The following THSD7B variants were observed in gnomAD, a reference collection of about 807,000 sequenced individuals.
The protein encoded by THSD7B is thrombospondin type 1 domain containing 7B, also known as thrombospondin type-1 domain-containing protein 7B.
In THSD7B, 138 loss-of-function variants were observed where a neutral mutation model predicts 213.6. The observed-to-expected ratio is 0.65, with a 90% confidence interval of 0.56 to 0.74. THSD7B has a LOEUF of 0.74. Among genes scored for constraint, THSD7B ranks in the 30% least tolerant of loss-of-function variants. THSD7B has a pLI of 0.00. For missense variants in THSD7B, 1,931 were observed against 1,991.5 expected (o/e 0.97, Z 0.58); for synonymous variants, 742 against 687.0 (o/e 1.08, Z -1.25).
At chr2:136,855,590 TATTA>T (rs1683165132) in intron 1 of THSD7B, among the ~76,000 whole-genome samples, 1 of 129,924 alleles carries the variant, frequency 7.7e-6, no homozygotes, top group Non-Finnish European at 1.7e-5. Flanking sequence ...CGCATCCGGC[TATTA>T]TTTATTTATT....
intron 15 of THSD7B, among the ~76,000 whole-genome samples, chr2:137,529,523 G>A (rs376473302): frequency 1.7e-4 from 26 of 151,856 alleles, no homozygotes; most frequent in East Asian, 5.8e-4. Context: ...GCAAACATTA[G>A]AGTTAGGCAA....
intron 2 of THSD7B, among the ~76,000 whole-genome samples, chr2:137,044,871 G>A (rs1423150923): frequency 2.6e-5 from 4 of 152,180 alleles, no homozygotes; most frequent in Non-Finnish European, 5.9e-5. Context: ...CTGAATCCAT[G>A]TCACTATTCT....
chr2:137,144,974 G>A lies in THSD7B; in HGVS notation c.1370-15239G>A, dbSNP rs554114472. ...GACCTTGATTTTCTCATTTGTAAAA[G>A]TAGGATATTATTATAAGATATAATT... On this transcript the variant is annotated intron_variant, in intron 5 of 27. Coordinates refer to ENST00000409968, the MANE Select transcript of THSD7B (RefSeq NM_001316349.2). 3.3e-5 allele frequency among the ~76,000 whole-genome samples: 5 copies of A among 152,114 alleles called. No homozygotes were observed. The East Asian group carries it at 7.8e-4, about 24-fold the overall frequency.
At position 136,902,062 on chromosome 2, in the gene THSD7B, A is replaced by G. The variant is rs74447023; in HGVS notation, c.139+19745A>G. 6.1e-3 allele frequency among the ~76,000 whole-genome samples: 926 copies of G among 152,356 alleles called. 6 individuals carry two copies. Among genetic ancestry groups the G allele is most frequent in the African/African-American group, 0.021 (873 of 41,592 alleles). ...CGATACCCTGGGCTGGCCCAGAAGT[A>G]GTACATTTCCCTGAAGATCTTCACC... On this transcript the variant is annotated intron_variant, in intron 2 of 27. Transcript: ENST00000409968.
chr2:136,967,367 T>C (rs1025854811), intron 2 of THSD7B, among the ~76,000 whole-genome samples: 4 of 152,186 alleles, frequency 2.6e-5, no homozygotes, highest in Non-Finnish European at 5.9e-5. Context: ...AAGACATTCA[T>C]TTCTCCTCGT....
intron 1 of THSD7B, among the ~76,000 whole-genome samples, chr2:136,845,658 A>G (rs1016000434): frequency 2.6e-5 from 4 of 152,214 alleles, no homozygotes; most frequent in Admixed American, 2.0e-4. Context: ...AGGCACTGTT[A>G]TGTAAGCAAT....
At chr2:137,320,881 G>A (rs940886979) in intron 12 of THSD7B, among the ~76,000 whole-genome samples, 12 of 152,016 alleles carry the variant, frequency 7.9e-5, no homozygotes, top group South Asian at 2.1e-4. Context: ...GAAGCCTTCC[G>A]CAATTCAAAG....
In THSD7B at chr2:137,127,468, T is replaced by C. The variant is rs558098049; in HGVS notation, c.1369+12175T>C. On this transcript the variant is annotated intron_variant, in intron 5 of 27. Coordinates refer to ENST00000409968, the MANE Select transcript of THSD7B (RefSeq NM_001316349.2). Reference sequence around the variant, plus strand: ...TGTACATAAGTATAGATAATAGTTATTACTTTTTGGTAAAATGAAATTAAG... The same window carrying C: ...TGTACATAAGTATAGATAATAGTTACTACTTTTTGGTAAAATGAAATTAAG... Among the ~76,000 whole-genome samples, 16 of 152,326 alleles carry C rather than the reference T, an allele frequency of 1.1e-4. 1 individual carries two copies. In the South Asian group the frequency reaches 3.1e-3, roughly 30 times the overall value.
intron 12 of THSD7B, among the ~76,000 whole-genome samples, chr2:137,348,215 T>TA (rs1684921411): frequency 6.6e-6 from 1 of 151,694 alleles, no homozygotes; most frequent in African/African-American, 2.4e-5. Flanking sequence ...GATTGAAATG[T>TA]CTCCACTGTA....
At chr2:137,139,787 C>T (rs1416678694) in intron 5 of THSD7B, among the ~76,000 whole-genome samples, 1 of 152,088 alleles carries the variant, frequency 6.6e-6, no homozygotes, top group Non-Finnish European at 1.5e-5. Flanking sequence ...TGAGATTCTG[C>T]TGTTGGCAAT....
rs57138045 is a variant in THSD7B at position 136,998,909 on chromosome 2, G to GACACACACACAC, written c.140-57472_140-57461dup. Among the ~76,000 whole-genome samples the GACACACACACAC allele has an allele frequency of 4.3e-3, 563 of 129,950 alleles. 5 individuals carry two copies. The highest frequency in any genetic ancestry group is 0.04 in the East Asian group (122 of 3,070). 85.3% of individuals were successfully genotyped at this position (129,950 alleles called of 152,430 possible). ...TTTCATGCTCCTTGAATACCCAACA[G>GACACACACACAC]ACACACACACACACACACACACACA... On this transcript the variant is annotated intron_variant, in intron 2 of 27. Transcript: ENST00000409968.
intron 16 of THSD7B, among the ~76,000 whole-genome samples, chr2:137,568,507 A>T (rs1681286800): frequency 6.6e-6 from 1 of 152,170 alleles, no homozygotes; most frequent in Admixed American, 6.5e-5. Context: ...GCTATAAAGA[A>T]ATACCCGAGA....
rs373181688 is a variant in THSD7B at position 137,285,044 on chromosome 2, C to T, written c.2500+9018C>T. Reference sequence around the variant, plus strand: ...TATTGTGTGGGAGTCTAAGTCTCTTCGTAGGTCACTAAGGACTTGCTTTAT... The same window carrying T: ...TATTGTGTGGGAGTCTAAGTCTCTTTGTAGGTCACTAAGGACTTGCTTTAT... On this transcript the variant is annotated intron_variant, in intron 12 of 27. Coordinates refer to ENST00000409968, the MANE Select transcript of THSD7B (RefSeq NM_001316349.2). Among the ~76,000 whole-genome samples the T allele has an allele frequency of 7.2e-5, 11 of 152,146 alleles. No individual in the cohort carries two copies. In the East Asian group the frequency reaches 7.7e-4, roughly 11 times the overall value.
rs774875733 is a variant in THSD7B, at chr2:137,411,891, A to G, written c.2959+19A>G. The G allele has an allele frequency of 1.2e-6, 2 of 1,613,176 alleles. No homozygotes were observed. The highest frequency in any genetic ancestry group is 1.1e-5 in the South Asian group (1 of 91,032). ...AGCTCTGGTAAGGAGATGGATGGAG[A>G]GTAACAGATGAGAACACTCACACAC... On this transcript the variant is annotated intron_variant, in intron 14 of 27. Coordinates refer to ENST00000409968, the MANE Select transcript of THSD7B (RefSeq NM_001316349.2).
At chr2:137,104,521 T>C (rs1387475279) in intron 4 of THSD7B, among the ~76,000 whole-genome samples, 1 of 151,860 alleles carries the variant, frequency 6.6e-6, no homozygotes, top group Non-Finnish European at 1.5e-5. Context: ...AGTAAACAAA[T>C]TCAAAAGCTA....
intron 1 of THSD7B, among the ~76,000 whole-genome samples, chr2:136,767,795 G>C (rs1367415803): frequency 6.6e-6 from 1 of 152,284 alleles, no homozygotes; most frequent in African/African-American, 2.4e-5. Flanking sequence ...GCTGTCTACT[G>C]TTGGTGGACT....
intron 14 of THSD7B, among the ~76,000 whole-genome samples, chr2:137,438,734 C>T (rs1270341287): frequency 1.3e-5 from 2 of 152,024 alleles, no homozygotes; most frequent in Non-Finnish European, 2.9e-5. Flanking sequence ...ACATTCTCTT[C>T]TTTATTATAA....
At position 137,442,785 on chromosome 2, in the gene THSD7B, T is replaced by C. The variant is rs554839225; in HGVS notation, c.2960-8060T>C. Among the ~76,000 whole-genome samples the C allele has an allele frequency of 3.3e-5, 5 of 152,196 alleles. No homozygotes were observed. The East Asian group carries it at 9.7e-4, about 29-fold the overall frequency. ...ATAGCCTGATGAATACAAGATATGC[T>C]CAGAAATCAGCTTTCATAAATGAGA... On this transcript the variant is annotated intron_variant, in intron 14 of 27. Coordinates refer to ENST00000409968, the MANE Select transcript of THSD7B (RefSeq NM_001316349.2).
At chr2:137,159,547 G>A (rs1679974454) in intron 5 of THSD7B, among the ~76,000 whole-genome samples, 1 of 152,042 alleles carries the variant, frequency 6.6e-6, no homozygotes, top group South Asian at 2.1e-4. Flanking sequence ...TGGTTGCTGC[G>A]ACCTGAAGTG....
Sources: allele counts gnomAD v4.1 joint callset (sites outside exome capture counted in the v4.1 genomes callset), GRCh38; gene constraint gnomAD v4.1.1; transcripts MANE v1.5; gene names NCBI Gene and HGNC (gene_info 2026-07-23, HGNC 2026-07-21).